TAFA4: variants seen among roughly 807,000 people sequenced by gnomAD.
The protein encoded by TAFA4 is chemokine-like protein TAFA-4.
A neutral mutation model predicts 21.1 loss-of-function variants in TAFA4; 20 were observed. That is an observed-to-expected ratio of 0.95 (90% CI 0.67 to 1.38). The LOEUF (loss-of-function observed/expected upper bound fraction) is 1.38, where lower values mean the gene tolerates loss of function less well. Ranked by LOEUF, TAFA4 falls within the 40% of genes most tolerant of loss-of-function variation. The pLI is 0.00. For synonymous variants in TAFA4, 71 were observed against 67.4 expected (o/e 1.05, Z -0.26); for missense variants, 211 against 180.9 (o/e 1.17, Z -0.95).
chr3:68,824,471 C>G (rs989335788), intron 3 of TAFA4, among the ~76,000 whole-genome samples: 2 of 152,294 alleles, frequency 1.3e-5, no homozygotes, highest in South Asian at 4.1e-4. Context: ...GATTCCACCT[C>G]TCCTGCCTCC....
At chr3:68,854,035 T>G (rs1268814380) in intron 3 of TAFA4, among the ~76,000 whole-genome samples, 1 of 152,166 alleles carries the variant, frequency 6.6e-6, no homozygotes, top group Admixed American at 6.6e-5. Flanking sequence ...ATTATTTTCA[T>G]TGGAAAAATA....
chr3:68,735,680 G>A (rs1243143083), intron 5 of TAFA4, among the ~76,000 whole-genome samples: 1 of 151,988 alleles, frequency 6.6e-6, no homozygotes, highest in African/African-American at 2.4e-5. Context: ...CAAAACTGTT[G>A]CTTCCATTCT....
intron 3 of TAFA4, among the ~76,000 whole-genome samples, chr3:68,768,111 A>C (rs1488838773): frequency 6.6e-6 from 1 of 152,178 alleles, no homozygotes; most frequent in African/African-American, 2.4e-5. Flanking sequence ...AAAAATAGAT[A>C]AATAGGATTA....
intron 1 of TAFA4, among the ~76,000 whole-genome samples, chr3:68,906,900 G>A (rs779752255): frequency 2.6e-4 from 39 of 151,858 alleles, no homozygotes; most frequent in Admixed American, 3.9e-4. Flanking sequence ...GCATGGTGGC[G>A]CATACCTGTG....
At chr3:68,777,819 C>A (rs189660381) in intron 3 of TAFA4, among the ~76,000 whole-genome samples, 1 of 152,106 alleles carries the variant, frequency 6.6e-6, no homozygotes, top group Admixed American at 6.5e-5. Context: ...AAATACTTAC[C>A]ATTGTGTACA....
intron 3 of TAFA4, among the ~76,000 whole-genome samples, chr3:68,775,144 G>A (rs1703025997): frequency 6.6e-6 from 1 of 152,172 alleles, no homozygotes; most frequent in Non-Finnish European, 1.5e-5. Context: ...TCAGATTTTA[G>A]CTATTTGTTA....
chr3:68,738,574 T>C (rs1702286431), intron 5 of TAFA4, among the ~76,000 whole-genome samples: 1 of 152,066 alleles, frequency 6.6e-6, no homozygotes, highest in South Asian at 2.1e-4. Flanking sequence ...AGGAAGAAGG[T>C]AGGTTTCTGG....
intron 3 of TAFA4, among the ~76,000 whole-genome samples, chr3:68,863,045 G>T (rs950673523): frequency 8.0e-5 from 12 of 150,122 alleles, no homozygotes; most frequent in Admixed American, 3.3e-4. Context: ...ACCAGACTGG[G>T]GAACATAGGA....
chr3:68,881,811 T>C (rs138646016), intron 2 of TAFA4, among the ~76,000 whole-genome samples: 1 of 152,266 alleles, frequency 6.6e-6, no homozygotes, highest in Non-Finnish European at 1.5e-5. Flanking sequence ...AGTCACACTA[T>C]AGGCAAGACC....
intron 3 of TAFA4, among the ~76,000 whole-genome samples, chr3:68,836,410 T>G (rs1704524355): frequency 6.6e-6 from 1 of 152,208 alleles, no homozygotes; most frequent in South Asian, 2.1e-4. Context: ...ATCAAACAGT[T>G]AAGTGAACTG....
chr3:68,812,038 G>T lies in TAFA4; in HGVS notation c.131-59020C>A, dbSNP rs376629168. ...CAATATTCAACATTCTTAAAGAAAA[G>T]AATTTTCAACCCAGAATTTCATATC... On this transcript the variant is annotated intron_variant, in intron 3 of 5. Coordinates refer to ENST00000295569, the MANE Select transcript of TAFA4 (RefSeq NM_182522.5). Among the ~76,000 whole-genome samples the T allele has an allele frequency of 1.5e-4, 23 of 152,268 alleles. No individual in the cohort carries two copies. In the East Asian group the frequency reaches 2.3e-3, roughly 15 times the overall value.
intron 5 of TAFA4, among the ~76,000 whole-genome samples, chr3:68,737,893 T>A (rs1030164389): frequency 1.3e-5 from 2 of 152,310 alleles, no homozygotes; most frequent in Admixed American, 1.3e-4. Flanking sequence ...TTCCAGTATG[T>A]CCAGCTCTAA....
intron 1 of TAFA4, among the ~76,000 whole-genome samples, chr3:68,894,301 G>A (rs2089762100): frequency 1.3e-5 from 2 of 152,102 alleles, no homozygotes; most frequent in African/African-American, 4.8e-5. Context: ...TGGGATGATA[G>A]GCACGCATCC....
intron 3 of TAFA4, among the ~76,000 whole-genome samples, chr3:68,804,287 A>G (rs1442880742): frequency 6.6e-6 from 1 of 152,186 alleles, no homozygotes; most frequent in Non-Finnish European, 1.5e-5. Flanking sequence ...CCACTGCTCA[A>G]TGAAATAAAA....
At chr3:68,907,750 G>T (rs973026280) in intron 1 of TAFA4, among the ~76,000 whole-genome samples, 8 of 152,208 alleles carry the variant, frequency 5.3e-5, no homozygotes, top group Admixed American at 2.6e-4. Flanking sequence ...CTCATGGCAT[G>T]AAGTCTGAAG....
chr3:68,779,932 T>G (rs1186685934), intron 3 of TAFA4, among the ~76,000 whole-genome samples: 3 of 152,092 alleles, frequency 2.0e-5, no homozygotes, highest in African/African-American at 7.2e-5. Flanking sequence ...TGCCAGCCCA[T>G]GAAAGCAGCT....
At chr3:68,927,889 A>T (rs2090124267) in intron 1 of TAFA4, among the ~76,000 whole-genome samples, 1 of 150,468 alleles carries the variant, frequency 6.6e-6, no homozygotes, top group Non-Finnish European at 1.5e-5. Flanking sequence ...CAGAGACACC[A>T]TCTCAAAAAA....
intron 1 of TAFA4, among the ~76,000 whole-genome samples, chr3:68,927,791 A>G (rs751648131): frequency 7.2e-5 from 11 of 151,856 alleles, no homozygotes; most frequent in Non-Finnish European, 1.5e-4. Flanking sequence ...CTAGCTACTC[A>G]GGAGGGTGAA....
At chr3:68,771,582 C>T (rs554305942) in intron 3 of TAFA4, among the ~76,000 whole-genome samples, 8 of 152,054 alleles carry the variant, frequency 5.3e-5, no homozygotes, top group Middle Eastern at 3.2e-3. Flanking sequence ...TAAAACCCAA[C>T]AAAAAAAGTT....
Sources: allele counts gnomAD v4.1 joint callset (sites outside exome capture counted in the v4.1 genomes callset), GRCh38; gene constraint gnomAD v4.1.1; transcripts MANE v1.5; gene names NCBI Gene and HGNC (gene_info 2026-07-23, HGNC 2026-07-21).